Variants in RPIA observed in about 807,000 individuals in gnomAD.
The protein encoded by RPIA is ribose 5-phosphate isomerase A, also known as ribose-5-phosphate isomerase.
A neutral mutation model predicts 37.8 loss-of-function variants in RPIA; 29 were observed. The ratio of observed to expected loss-of-function variants is 0.77; its 90% CI spans 0.57 to 1.05. The LOEUF (loss-of-function observed/expected upper bound fraction) is 1.05, where lower values mean the gene tolerates loss of function less well. Among genes scored for constraint, RPIA ranks in the 50% least tolerant of loss-of-function variants. RPIA has a pLI of 0.00. For synonymous variants in RPIA, 167 were observed against 157.0 expected (o/e 1.06, Z -0.48); for missense variants, 385 against 413.6 (o/e 0.93, Z 0.60).
At chr2:88,722,619 G>A (rs574713148) in intron 3 of RPIA, among the ~76,000 whole-genome samples, 30 of 152,284 alleles carry the variant, frequency 2.0e-4, no homozygotes, top group South Asian at 2.1e-4. Context: ...AAACAAAGAC[G>A]TAACAGTCCT....
intron 3 of RPIA, among the ~76,000 whole-genome samples, chr2:88,725,738 T>C (rs1673188766): frequency 6.6e-6 from 1 of 152,190 alleles, no homozygotes; most frequent in Admixed American, 6.5e-5. Context: ...ATCTTTTTTG[T>C]GGGGAACACA....
At chr2:88,749,920 T>G (rs889700723) in intron 8 of RPIA, 61 bp from the exon 9 acceptor site, 5 of 1,217,460 alleles carry the variant, frequency 4.1e-6, no homozygotes, top group African/African-American at 1.5e-5. Context: ...CCTGCAGTCT[T>G]TGAGTCTCTT....
At chr2:88,703,654 A>C (rs1177251510) in intron 3 of RPIA, among the ~76,000 whole-genome samples, 1 of 152,148 alleles carries the variant, frequency 6.6e-6, no homozygotes, top group African/African-American at 2.4e-5. Context: ...CTAGGCCTCC[A>C]GGTGTGTGAT....
In RPIA at chr2:88,714,515, C is replaced by T. The variant is rs113185678; in HGVS notation, c.402+14451C>T. ...GAGTGCTGGGCTACCTGATGGTCAG[C>T]CAGCTCTCAAGATGAGGATTGTCTG... On this transcript the variant is annotated intron_variant, in intron 3 of 8. Transcript: ENST00000283646. 5.1e-3 allele frequency among the ~76,000 whole-genome samples: 773 copies of T among 152,264 alleles called. 7 individuals carry two copies. Among genetic ancestry groups the T allele is most frequent in the Middle Eastern group, 0.038 (11 of 292 alleles).
At chr2:88,704,143 T>C (rs919038700) in intron 3 of RPIA, among the ~76,000 whole-genome samples, 5 of 152,218 alleles carry the variant, frequency 3.3e-5, no homozygotes, top group African/African-American at 1.2e-4. Context: ...CATTTTTCTG[T>C]CTTCTGAGCC....
intron 3 of RPIA, among the ~76,000 whole-genome samples, chr2:88,700,324 C>G (rs1672813135): frequency 6.6e-6 from 1 of 152,162 alleles, no homozygotes; most frequent in African/African-American, 2.4e-5. Flanking sequence ...AGTCTCTCTC[C>G]TCAAGGAATA....
intron 1 of RPIA, among the ~76,000 whole-genome samples, chr2:88,692,912 A>G (rs1400919596): frequency 6.6e-6 from 1 of 152,198 alleles, no homozygotes; most frequent in East Asian, 1.9e-4. Context: ...GGGAGTGGAC[A>G]ATGTGGTAAC....
chr2:88,750,002 T>A lies in RPIA; in HGVS notation c.860T>A (p.Phe287Tyr). The A allele has an allele frequency of 6.2e-7, 1 of 1,613,176 alleles. No homozygotes were observed. The highest frequency in any genetic ancestry group is 8.5e-7 in the Non-Finnish European group (1 of 1,179,312). ...MIPGVVDTGL[F>Y]INMAERVYFG... ...GCAGGTGTGGTGGACACAGGCCTAT[T>A]CATCAACATGGCTGAGAGAGTCTAC... The change falls in exon 9 of 9, where the codon TTC (phenylalanine) becomes TAC (tyrosine). Residue 287 changes from phenylalanine to tyrosine, a missense_variant. Physicochemically the swap from Phe to Tyr is conservative, Grantham distance 22. Coordinates refer to ENST00000283646, the MANE Select transcript of RPIA (RefSeq NM_144563.3).
intron 3 of RPIA, among the ~76,000 whole-genome samples, chr2:88,725,537 G>C (rs370472746): frequency 6.6e-6 from 1 of 152,182 alleles, no homozygotes; most frequent in Admixed American, 6.5e-5. Flanking sequence ...ATCTCTGCCT[G>C]CATGTTCACA....
chr2:88,692,072 T>TA (rs1443184471), intron 1 of RPIA, 89 bp downstream of exon 1: 1 of 1,471,842 alleles, frequency 6.8e-7, no homozygotes, highest in African/African-American at 1.4e-5. Flanking sequence ...GGGGCGCGCC[T>TA]AGCTCCTGGC....
chr2:88,697,288 G>A (rs1672761229), intron 1 of RPIA, among the ~76,000 whole-genome samples: 1 of 152,150 alleles, frequency 6.6e-6, no homozygotes, highest in Admixed American at 6.5e-5. Context: ...CTATAAAGTG[G>A]AAATAGTGGC....
Position 88,735,682 on chromosome 2 carries a change from C to A in RPIA, c.541C>A (p.Gln181Lys). 6.2e-7 allele frequency: 1 copy of A among 1,614,120 alleles called. No individual in the cohort carries two copies. The highest frequency in any genetic ancestry group is 8.5e-7 in the Non-Finnish European group (1 of 1,180,008). ...TCTTTCCTGCAGAGGCTGCCTGACC[C>A]AGGAGAAGATTGTGGCTGGCTATGC... ...LIKGGGGCLT[Q>K]EKIVAGYASR... Residue 181 changes from glutamine (Q) to lysine (K), a missense_variant, in exon 6 of 9, where the codon CAG becomes AAG. Around this residue, in one of 2 missense-constraint regions of RPIA, gnomAD observed 153 missense variants for 210.6 expected, o/e 0.73. Transcript: ENST00000283646.
Position 88,750,005 on chromosome 2 carries a change from T to G in RPIA, c.863T>G (p.Ile288Ser). The change falls in exon 9 of 9, where the codon ATC (isoleucine) becomes AGC (serine). Residue 288 changes from isoleucine to serine, a missense_variant. By Grantham distance (142) the Ile-to-Ser change is moderately radical (BLOSUM62 -2). Transcript: ENST00000283646. ...IPGVVDTGLF[I>S]NMAERVYFGM... ...GGTGTGGTGGACACAGGCCTATTCA[T>G]CAACATGGCTGAGAGAGTCTACTTT... is the stretch of plus-strand genomic sequence containing the variant. The G allele has an allele frequency of 6.2e-7, 1 of 1,613,384 alleles. No individual in the cohort carries two copies. Among genetic ancestry groups the G allele is most frequent in the Non-Finnish European group, 8.5e-7 (1 of 1,179,464 alleles).
At chr2:88,738,107 C>T in intron 8 of RPIA, 31 bp downstream of exon 8, 3 of 1,492,718 alleles carry the variant, frequency 2.0e-6, no homozygotes, top group Non-Finnish European at 2.8e-6. Flanking sequence ...CAGTCATATA[C>T]ACACCCATGG....
rs1407047488 is a variant in RPIA, at chr2:88,721,565, ACACACACC to A, written c.403-7711_403-7704del. Among the ~76,000 whole-genome samples the A allele has an allele frequency of 5.0e-4, 31 of 61,392 alleles. No homozygotes were observed. In the South Asian group the frequency reaches 9.9e-3, roughly 20 times the overall value. The allele number at this position is 61,392 out of a possible 152,430, so 40.3% of individuals were successfully genotyped here. A position where few individuals can be genotyped will look rare whatever the true frequency, so the allele number is the denominator to read the frequency against. On this transcript the variant is annotated intron_variant, in intron 3 of 8. Coordinates refer to ENST00000283646, the MANE Select transcript of RPIA (RefSeq NM_144563.3). ...ATTATACACACACACACACACACAC[ACACACACC>A]CCCCCCCCCACATGCACACATGTTT...
chr2:88,724,371 A>G (rs886508085), intron 3 of RPIA, among the ~76,000 whole-genome samples: 9 of 150,992 alleles, frequency 6.0e-5, no homozygotes, highest in Non-Finnish European at 1.2e-4. Flanking sequence ...CAGTGGTGTG[A>G]TCTCGGCTCA....
Position 88,691,932 on chromosome 2 carries a change from C to G in RPIA, c.234C>G (p.Ala78=). 6.3e-7 allele frequency: 1 copy of G among 1,598,884 alleles called. No individual in the cohort carries two copies. The highest frequency in any genetic ancestry group is 8.5e-7 in the Non-Finnish European group (1 of 1,173,478). Residue 78 remains alanine, a synonymous_variant, in exon 1 of 9, where the codon GCC becomes GCG. Transcript: ENST00000283646. ...CGGCCCCCTCCACGATGTCCAAGGC[C>G]GAGGAGGCCAAGAAGCTGGCGGGCC... ...ICPAPSTMSK[A]EEAKKLAGRA... is the part of the protein sequence containing the mutation.
At chr2:88,693,377 T>A (rs762148645) in intron 1 of RPIA, among the ~76,000 whole-genome samples, 1 of 152,146 alleles carries the variant, frequency 6.6e-6, no homozygotes, top group Non-Finnish European at 1.5e-5. Context: ...TTAGGTAATT[T>A]TGGGGAGATC....
intron 3 of RPIA, among the ~76,000 whole-genome samples, chr2:88,722,899 G>C (rs1025064612): frequency 6.6e-6 from 1 of 152,174 alleles, no homozygotes; most frequent in Non-Finnish European, 1.5e-5. Context: ...ATGGCAAAGG[G>C]GGAAGAAGGA....
Sources: gnomAD v4.1 joint callset for allele counts (sites outside exome capture counted in the v4.1 genomes callset) on GRCh38, gnomAD v4.1.1 for gene constraint, gnomAD v4.1.1 regional missense constraint, MANE v1.5 for transcripts, NCBI Gene and HGNC (gene_info 2026-07-23, HGNC 2026-07-21) for gene names.